Variants in PCDHA5 observed in about 807,000 individuals in gnomAD.
The protein encoded by PCDHA5 is protocadherin alpha-5.
PCDHA5 carries 43 observed loss-of-function variants against 61.6 expected under a neutral mutation model. The observed-to-expected ratio is 0.70, with a 90% CI of 0.55 to 0.90. The LOEUF (loss-of-function observed/expected upper bound fraction) is 0.90, where lower values mean the gene tolerates loss of function less well. Among genes scored for constraint, PCDHA5 ranks in the 40% least tolerant of loss-of-function variants. The probability of loss-of-function intolerance (pLI) is 0.00; values close to 1 mark genes in which losing one functional copy is unlikely to be tolerated. For synonymous variants in PCDHA5, 627 were observed against 543.9 expected, an observed-to-expected ratio of 1.15 and a Z score of -2.13; for missense variants, 1,298 against 1,222.7, an observed-to-expected ratio of 1.06 and a Z score of -0.92.
chr5:140,823,449 C>T lies in PCDHA5; in HGVS notation c.1674C>T (p.Asn558=), dbSNP rs2150125896. ...VTLQVFVLDE[N]DNAPALLVPR... ...TGCAGGTGTTCGTGCTGGACGAGAACGACAACGCGCCGGCGCTGCTGGTGC... is the reference window on the plus strand; with the variant it reads ...TGCAGGTGTTCGTGCTGGACGAGAATGACAACGCGCCGGCGCTGCTGGTGC... The change falls in exon 1 of 4, where the codon AAC becomes AAT. Residue 558 remains asparagine (N), a synonymous_variant. Transcript: ENST00000529859. 6 of 1,613,410 alleles carry T rather than the reference C, an allele frequency of 3.7e-6. No homozygotes were observed. The highest frequency in any genetic ancestry group is 2.2e-5 in the South Asian group (2 of 91,052).
intron 1 of PCDHA5, among the ~76,000 whole-genome samples, chr5:140,879,010 G>C (rs2057809352): frequency 6.6e-6 from 1 of 152,200 alleles, no homozygotes; most frequent in Non-Finnish European, 1.5e-5. Context: ...CTAGAAATCA[G>C]ATAATGTTTT....
intron 3 of PCDHA5, among the ~76,000 whole-genome samples, chr5:141,009,392 G>A (rs1016452113): frequency 2.6e-5 from 4 of 152,184 alleles, no homozygotes; most frequent in Non-Finnish European, 4.4e-5. Flanking sequence ...ACAGGAGGTC[G>A]AGGCTGCAGT....
chr5:140,864,844 C>T (rs894176807), intron 1 of PCDHA5: 3 of 152,100 alleles, frequency 2.0e-5, no homozygotes, highest in Admixed American at 2.0e-4. Context: ...AGAGAGTCTT[C>T]CCATACATGA....
chr5:140,835,256 C>T (rs201236040), intron 1 of PCDHA5: 72 of 1,606,500 alleles, frequency 4.5e-5, no homozygotes, highest in Non-Finnish European at 5.9e-5. Context: ...ATATAAAATC[C>T]AAGTTCCACA....
rs147998337 is a variant in PCDHA5 at position 140,822,567 on chromosome 5, C to T, written c.792C>T (p.Asn264=). Residue 264 remains asparagine (N), a synonymous_variant, in exon 1 of 4, where the codon AAC becomes AAT. Transcript: ENST00000529859. ...GTGGGACATTAGTTATTAAACTGAA[C>T]GCCTCAGATGCAGATGAGGGCATCA... is the stretch of plus-strand genomic sequence containing the variant. ...APSGTLVIKL[N]ASDADEGINK... 2.7e-5 allele frequency: 43 copies of T among 1,612,542 alleles called. No individual in the cohort carries two copies. The highest frequency in any genetic ancestry group is 4.0e-5 in the African/African-American group (3 of 74,870).
chr5:140,889,509 C>T (rs2062255316), intron 1 of PCDHA5, among the ~76,000 whole-genome samples: 2 of 152,026 alleles, frequency 1.3e-5, no homozygotes, highest in Admixed American at 6.6e-5. Flanking sequence ...ATTTCCCTTT[C>T]CATTCTTGAT....
chr5:140,935,016 T>C (rs997789296), intron 1 of PCDHA5, among the ~76,000 whole-genome samples: 6 of 152,322 alleles, frequency 3.9e-5, no homozygotes, highest in Admixed American at 6.5e-5. Flanking sequence ...TGAGTCTTAA[T>C]AGTCTTTTGA....
intron 1 of PCDHA5, chr5:140,828,582 C>T: frequency 6.2e-7 from 1 of 1,614,224 alleles, no homozygotes; most frequent in South Asian, 1.1e-5. Context: ...GATGTTGGCT[C>T]AAATTCCATC....
At chr5:140,830,006 G>T (rs755165097) in intron 1 of PCDHA5, 1 of 1,613,960 alleles carries the variant, frequency 6.2e-7, no homozygotes, top group Non-Finnish European at 8.5e-7. Context: ...TGTCCTGGAC[G>T]AAGCGGACTC....
At position 141,009,931 on chromosome 5, in the gene PCDHA5, C is replaced by T. The variant is rs2098415407; in HGVS notation, c.2805C>T (p.Asp935=). ...EKGNSTTDNS[D]Q ...GGAACAGCACGACTGACAACAGTGA[C>T]CAGTGAGGTCCTCAAATGGAAACAA... Residue 935 remains aspartate (D), a synonymous_variant, in exon 4 of 4, where the codon GAC becomes GAT. Transcript: ENST00000529859. The T allele has an allele frequency of 6.2e-7, 1 of 1,601,706 alleles. No individual in the cohort carries two copies. The highest frequency in any genetic ancestry group is 8.5e-7 in the Non-Finnish European group (1 of 1,175,864).
intron 1 of PCDHA5, among the ~76,000 whole-genome samples, chr5:140,826,287 CT>C (rs1768883103): frequency 6.6e-6 from 1 of 152,006 alleles, no homozygotes; most frequent in South Asian, 2.1e-4. Flanking sequence ...TGCAGCTTGT[CT>C]TTTTTATAGG....
At chr5:140,827,797 T>C (rs1488725700) in intron 1 of PCDHA5, among the ~76,000 whole-genome samples, 3 of 152,216 alleles carry the variant, frequency 2.0e-5, no homozygotes, top group Non-Finnish European at 4.4e-5. Flanking sequence ...CCGTGCAAAT[T>C]ACAAACGTGA....
intron 1 of PCDHA5, chr5:140,871,145 C>T (rs1249708738): frequency 1.2e-6 from 2 of 1,613,300 alleles, no homozygotes; most frequent in East Asian, 2.2e-5. Context: ...TCTTCCCGGA[C>T]TTTGGCGGGC....
chr5:140,834,106 C>A, intron 1 of PCDHA5: 2 of 396,430 alleles, frequency 5.0e-6, no homozygotes, highest in Non-Finnish European at 4.5e-6. Context: ...GAAAAAAATT[C>A]AGAGTTTGAA....
rs1019436942 is a variant in PCDHA5, at chr5:140,858,638, T to C, written c.2352+34511T>C. On this transcript the variant is annotated intron_variant, in intron 1 of 3. Transcript: ENST00000529859. ...TCCTACCCAGTGTGTCAGCCTTTGATTGGTACTTAAATTTTTTTAAATAAC... is the reference window on the plus strand; with the variant it reads ...TCCTACCCAGTGTGTCAGCCTTTGACTGGTACTTAAATTTTTTTAAATAAC... 30 of 971,874 alleles carry C rather than the reference T, an allele frequency of 3.1e-5. 2 individuals carry two copies. The highest frequency in any genetic ancestry group is 4.0e-5 in the Non-Finnish European group (27 of 675,162). 60.2% of individuals were successfully genotyped at this position (971,874 alleles called of 1,614,324 possible). A position where few individuals can be genotyped will look rare whatever the true frequency, so the allele number is the denominator to read the frequency against.
chr5:140,870,358 G>A (rs201159213), intron 1 of PCDHA5: 4 of 1,614,098 alleles, frequency 2.5e-6, no homozygotes, highest in Non-Finnish European at 3.4e-6. Context: ...GAACGTGTGG[G>A]CCTATGAACT....
chr5:140,912,241 T>C (rs939016891), intron 1 of PCDHA5, among the ~76,000 whole-genome samples: 1 of 152,164 alleles, frequency 6.6e-6, no homozygotes, highest in African/African-American at 2.4e-5. Flanking sequence ...GACTCAAATG[T>C]TAATCTCCTT....
chr5:141,004,608 T>A (rs2153981502), intron 3 of PCDHA5, among the ~76,000 whole-genome samples: 1 of 152,348 alleles, frequency 6.6e-6, no homozygotes, highest in African/African-American at 2.4e-5. Flanking sequence ...TTAGGCCTCA[T>A]GCAGAGTCCT....
chr5:140,856,258 C>G, intron 1 of PCDHA5: 1 of 1,598,068 alleles, frequency 6.3e-7, no homozygotes, highest in South Asian at 1.1e-5. Context: ...CCAAAAGACA[C>G]GGGGACCTTC....
Sources: gnomAD v4.1 joint callset for allele counts (sites outside exome capture counted in the v4.1 genomes callset) on GRCh38, gnomAD v4.1.1 for gene constraint, MANE v1.5 for transcripts, NCBI Gene and HGNC (gene_info 2026-07-23, HGNC 2026-07-21) for gene names.